The following MBOAT2 variants were observed in gnomAD, a reference collection of about 807,000 sequenced individuals.
MBOAT2 encodes the protein membrane-bound glycerophospholipid O-acyltransferase 2.
In MBOAT2, 28 loss-of-function variants were observed where a neutral mutation model predicts 63.4. The observed-to-expected ratio is 0.44, with a 90% CI of 0.33 to 0.61. The LOEUF is 0.61. Among genes scored for constraint, MBOAT2 ranks in the 20% least tolerant of loss-of-function variants. The pLI is 0.03. For missense variants in MBOAT2, 470 were observed against 605.8 expected (o/e 0.78, Z 2.35); for synonymous variants, 211 against 215.6 (o/e 0.98, Z 0.19).
At chr2:8,912,422 C>CAAAGAAAGAAAGAAA (rs1558607282) in intron 3 of MBOAT2, among the ~76,000 whole-genome samples, 17 of 132,566 alleles carry the variant, frequency 1.3e-4, no homozygotes, top group African/African-American at 4.8e-4. Context: ...AAAGACAGGC[C>CAAAGAAAGAAAGAAA]GGCCGGCCTT....
At chr2:8,950,999 G>C (rs779289054) in intron 2 of MBOAT2, among the ~76,000 whole-genome samples, 1 of 152,148 alleles carries the variant, frequency 6.6e-6, no homozygotes, top group South Asian at 2.1e-4. Context: ...TCATCATGGT[G>C]AATTAACTTT....
chr2:8,924,096 G>A (rs1006428786), intron 3 of MBOAT2, among the ~76,000 whole-genome samples: 10 of 152,040 alleles, frequency 6.6e-5, no homozygotes, highest in Admixed American at 3.3e-4. Flanking sequence ...ATGAGAAATC[G>A]TCTCTATATT....
chr2:8,919,475 C>T (rs915535042), intron 3 of MBOAT2, among the ~76,000 whole-genome samples: 5 of 152,064 alleles, frequency 3.3e-5, no homozygotes, highest in African/African-American at 4.8e-5. Flanking sequence ...TTTTAATTTG[C>T]AATTCGCTAA....
intron 4 of MBOAT2, among the ~76,000 whole-genome samples, chr2:8,891,025 T>C (rs1257847170): frequency 6.6e-6 from 1 of 152,258 alleles, no homozygotes; most frequent in Non-Finnish European, 1.5e-5. Flanking sequence ...AACACAGCTT[T>C]AATTATTTCT....
intron 3 of MBOAT2, among the ~76,000 whole-genome samples, chr2:8,914,512 T>C (rs1573037789): frequency 6.6e-6 from 1 of 150,658 alleles, no homozygotes; most frequent in Middle Eastern, 3.5e-3. Context: ...ACAATGAAAG[T>C]GTTTTGTGAG....
intron 12 of MBOAT2, 119 bp downstream of exon 12, chr2:8,860,494 T>A: frequency 2.0e-6 from 2 of 981,532 alleles, no homozygotes. Flanking sequence ...TAACTGATAA[T>A]GCATTTATCA....
At chr2:8,868,617 G>C in intron 8 of MBOAT2, 68 bp from the exon 9 acceptor site, 1 of 1,264,666 alleles carries the variant, frequency 7.9e-7, no homozygotes, top group East Asian at 2.3e-5. Context: ...TCTCCCAGAA[G>C]GTATGTGTTA....
chr2:8,933,345 T>A (rs993640212), intron 3 of MBOAT2, among the ~76,000 whole-genome samples: 2 of 152,156 alleles, frequency 1.3e-5, no homozygotes, highest in Admixed American at 1.3e-4. Flanking sequence ...TCCTGAAAAT[T>A]TTTTGGGTGG....
chr2:8,941,968 A>G (rs1182001673), intron 3 of MBOAT2, among the ~76,000 whole-genome samples: 1 of 152,234 alleles, frequency 6.6e-6, no homozygotes, highest in African/African-American at 2.4e-5. Context: ...TTTGCATCAG[A>G]TATTAATTGT....
intron 1 of MBOAT2, among the ~76,000 whole-genome samples, chr2:8,989,267 C>T (rs117180040): frequency 6.6e-6 from 1 of 152,154 alleles, no homozygotes; most frequent in Non-Finnish European, 1.5e-5. Context: ...CACCTGACAC[C>T]CATCAGCCCG....
At chr2:8,981,772 T>A (rs1226596428) in intron 1 of MBOAT2, among the ~76,000 whole-genome samples, 1 of 152,228 alleles carries the variant, frequency 6.6e-6, no homozygotes, top group Non-Finnish European at 1.5e-5. Context: ...GTTGGCTAGC[T>A]GAAGTGGGTT....
At chr2:8,876,869 T>A (rs1662735320) in intron 7 of MBOAT2, 161 bp downstream of exon 7, 2 of 612,676 alleles carry the variant, frequency 3.3e-6, no homozygotes, top group Admixed American at 3.6e-5. Context: ...GTGTTCTTAA[T>A]CATGACTGTA....
At chr2:8,964,726 T>G (rs903652400) in intron 1 of MBOAT2, among the ~76,000 whole-genome samples, 3 of 152,258 alleles carry the variant, frequency 2.0e-5, no homozygotes, top group African/African-American at 7.2e-5. Context: ...TGAGTTCCAC[T>G]GCTCCATATT....
At position 8,868,530 on chromosome 2, in the gene MBOAT2, A is replaced by G. The variant is rs1662066325; in HGVS notation, c.903T>C (p.Ala301=). The change falls in exon 9 of 13, where the codon GCT becomes GCC. Residue 301 remains alanine, a synonymous_variant. Transcript: ENST00000305997. The part of the protein sequence containing the change: ...AWTLADAINN[A]AGFGFRGYDE... ...CATACCCTCTGAAACCAAAGCCTGC[A>G]GCATTATTAATGGCATCAGCTATAG... 2 of 1,613,744 alleles carry G rather than the reference A, an allele frequency of 1.2e-6. No homozygotes were observed. The highest frequency in any genetic ancestry group is 2.2e-5 in the East Asian group (1 of 44,874).
rs940301922 is a variant in MBOAT2, at chr2:8,855,440, CCTT to C, written c.*3236_*3238del. On this transcript the variant is annotated 3_prime_UTR_variant, in exon 13 of 13. Transcript: ENST00000305997. ...AGTTACTGTCACTTTCTAGAAACCT[CCTT>C]TTTACTGCACATTTTTCTCAAAAGT... 27 of 152,186 alleles carry C rather than the reference CCTT, an allele frequency of 1.8e-4. No homozygotes were observed. The highest frequency in any genetic ancestry group is 6.5e-5 in the Admixed American group (1 of 15,290). 9.4% of individuals were successfully genotyped at this position (152,186 alleles called of 1,614,324 possible).
Position 9,003,217 on chromosome 2 carries a change from G to C in MBOAT2, c.75+323C>G, listed in dbSNP as rs1380703707. Among the ~76,000 whole-genome samples the C allele has an allele frequency of 6.6e-6, 1 of 152,156 alleles. No homozygotes were observed. Among genetic ancestry groups the C allele is most frequent in the Non-Finnish European group, 1.5e-5 (1 of 68,008 alleles). On this transcript the variant is annotated intron_variant, in intron 1 of 12. Coordinates refer to ENST00000305997, the MANE Select transcript of MBOAT2 (RefSeq NM_138799.4). The surrounding 1 kb of genome is among the most constrained non-coding windows in gnomAD (Gnocchi z 5.4). ...TCCGGGACCCGACCACCGGATCCGAGCGCCGCTGCCGCGAAGGGCAGGGAC... is the reference window on the plus strand; with the variant it reads ...TCCGGGACCCGACCACCGGATCCGACCGCCGCTGCCGCGAAGGGCAGGGAC...
intron 2 of MBOAT2, among the ~76,000 whole-genome samples, chr2:8,952,431 G>C (rs894455526): frequency 1.3e-5 from 2 of 152,088 alleles, no homozygotes; most frequent in African/African-American, 4.8e-5. Flanking sequence ...ATGTTTATTA[G>C]GTCCACCTAG....
At chr2:8,913,124 G>C (rs955494254) in intron 3 of MBOAT2, among the ~76,000 whole-genome samples, 2 of 152,018 alleles carry the variant, frequency 1.3e-5, no homozygotes, top group Non-Finnish European at 2.9e-5. Context: ...TGGATAATTG[G>C]CTAGCCACAT....
At chr2:8,861,704 T>C (rs563939579) in intron 11 of MBOAT2, among the ~76,000 whole-genome samples, 37 of 152,304 alleles carry the variant, frequency 2.4e-4, no homozygotes, top group Admixed American at 1.8e-3. Context: ...AATGGGGCCA[T>C]CTCTAATTAA....
Sources: gnomAD v4.1 joint callset for allele counts (sites outside exome capture counted in the v4.1 genomes callset) on GRCh38, gnomAD v4.1.1 for gene constraint, Gnocchi (gnomAD v3.1) non-coding constraint, MANE v1.5 for transcripts, NCBI Gene and HGNC (gene_info 2026-07-23, HGNC 2026-07-21) for gene names.